The following C2CD5 variants were observed in gnomAD, a reference collection of about 807,000 sequenced individuals.
C2CD5 encodes C2 calcium dependent domain containing 5, also known as C2 domain-containing protein 5.
C2CD5 carries 109 observed loss-of-function variants against 130.3 expected under a neutral mutation model. That is an observed-to-expected ratio of 0.84 (90% CI 0.72 to 0.98). C2CD5 has a LOEUF of 0.98. Ranked by LOEUF, C2CD5 falls within the 50% of genes least tolerant of loss-of-function variation. The pLI, the probability that C2CD5 is intolerant of heterozygous loss-of-function variation, is 0.00. For missense variants in C2CD5, 996 were observed against 1,261.8 expected (o/e 0.79, Z 3.19); for synonymous variants, 454 against 429.2 (o/e 1.06, Z -0.71).
intron 22 of C2CD5, chr12:22,463,829 T>C (rs1376848655): frequency 2.6e-5 from 4 of 152,178 alleles, no homozygotes; most frequent in Non-Finnish European, 5.9e-5. Context: ...AAAAACTTCC[T>C]ACAAATTTGG....
At chr12:22,544,237 AGGCGCGCGGG>A (rs1952719652) in intron 1 of C2CD5, 58 bp from the exon 2 acceptor site, 1 of 1,379,304 alleles carries the variant, frequency 7.3e-7, no homozygotes, top group Admixed American at 1.9e-5. Flanking sequence ...AGAGGGGCGG[AGGCGCGCGGG>A]GTAACTGACA....
intron 4 of C2CD5, 66 bp from the exon 5 acceptor site, chr12:22,525,771 C>T: frequency 1.3e-6 from 1 of 781,358 alleles, no homozygotes; most frequent in Non-Finnish European, 2.2e-6. Flanking sequence ...AATAATGAAG[C>T]AAATTAATGC....
Position 22,524,469 on chromosome 12 carries a change from T to C in C2CD5, c.601+3A>G. The C allele has an allele frequency of 1.9e-6, 3 of 1,612,216 alleles. No homozygotes were observed. Among genetic ancestry groups the C allele is most frequent in the Non-Finnish European group, 2.5e-6 (3 of 1,179,264 alleles). ...CAGTAATAAAGTTATTTTTTTTAAA[T>C]ACCTGACATTAACGAAATGAGTCTC... is the stretch of plus-strand genomic sequence containing the variant. On this transcript the variant is annotated splice_donor_region_variant and intron_variant, in intron 6 of 26. Transcript: ENST00000446597.
At chr12:22,515,995 T>A (rs889261398) in intron 8 of C2CD5, among the ~76,000 whole-genome samples, 1 of 151,614 alleles carries the variant, frequency 6.6e-6, no homozygotes, top group Non-Finnish European at 1.5e-5. Flanking sequence ...AAATATAAAA[T>A]TTTTTAAAAG....
chr12:22,535,016 C>T (rs1025848815), intron 3 of C2CD5: 3 of 301,224 alleles, frequency 1.0e-5, no homozygotes, highest in African/African-American at 6.6e-5. Context: ...CTAGAGAAAA[C>T]TACAATAATA....
At chr12:22,522,256 T>G (rs1232633662) in intron 7 of C2CD5, among the ~76,000 whole-genome samples, 1 of 152,124 alleles carries the variant, frequency 6.6e-6, no homozygotes, top group African/African-American at 2.4e-5. Context: ...CTAAAGGCAT[T>G]TAGGATGAAA....
chr12:22,519,940 A>C (rs1950118000), intron 7 of C2CD5, among the ~76,000 whole-genome samples: 1 of 152,166 alleles, frequency 6.6e-6, no homozygotes, highest in Non-Finnish European at 1.5e-5. Flanking sequence ...TCTCATACAG[A>C]ATATATCATA....
chr12:22,501,883 C>T lies in C2CD5; in HGVS notation c.1147+4828G>A, dbSNP rs543695236. 2.6e-5 allele frequency among the ~76,000 whole-genome samples: 4 copies of T among 152,106 alleles called. 1 individual carries two copies. Among genetic ancestry groups the T allele is most frequent in the East Asian group, 3.9e-4 (2 of 5,192 alleles). ...AGATATTATCTAAAATTCTGAGCCCCGTGGCGTCTTTGCTTTTCTGTAAGA... is the reference window on the plus strand; with the variant it reads ...AGATATTATCTAAAATTCTGAGCCCTGTGGCGTCTTTGCTTTTCTGTAAGA... On this transcript the variant is annotated intron_variant, in intron 10 of 26. Transcript: ENST00000446597.
intron 10 of C2CD5, among the ~76,000 whole-genome samples, chr12:22,504,264 T>A (rs1237870288): frequency 6.6e-6 from 1 of 151,784 alleles, no homozygotes; most frequent in African/African-American, 2.4e-5. Flanking sequence ...TTACTCAGAG[T>A]ACATGGAAGC....
chr12:22,521,561 C>G (rs1256787882), intron 7 of C2CD5, among the ~76,000 whole-genome samples: 1 of 152,064 alleles, frequency 6.6e-6, no homozygotes, highest in East Asian at 1.9e-4. Context: ...AAATTTGCTA[C>G]AGAGAGAGGG....
In C2CD5 at chr12:22,471,484, A is replaced by G; in HGVS notation, c.2273T>C (p.Leu758Pro). ...GATCATAGATCGTAGTTTAAAGTAC[A>G]GGCTCTACACAATAGAAAATATTAG... The part of the protein sequence containing the change: ...NDLCENLLKS[L>P]YFKLRSMIPC... Residue 758 changes from leucine (L) to proline (P), a missense_variant, in exon 20 of 27, where the codon CTG (leucine) becomes CCG (proline). Leu to Pro is a moderately conservative substitution (Grantham distance 98). Transcript: ENST00000446597. 6.3e-7 allele frequency: 1 copy of G among 1,579,320 alleles called. No homozygotes were observed. Among genetic ancestry groups the G allele is most frequent in the Non-Finnish European group, 8.7e-7 (1 of 1,150,770 alleles).
At chr12:22,521,732 A>G (rs1195108160) in intron 7 of C2CD5, among the ~76,000 whole-genome samples, 1 of 152,224 alleles carries the variant, frequency 6.6e-6, no homozygotes, top group Non-Finnish European at 1.5e-5. Flanking sequence ...TGTGTTTCCA[A>G]ATAAAATTAA....
chr12:22,536,273 G>C (rs773821004), intron 2 of C2CD5, among the ~76,000 whole-genome samples: 1 of 152,094 alleles, frequency 6.6e-6, no homozygotes, highest in Non-Finnish European at 1.5e-5. Flanking sequence ...TAAAGGAGAG[G>C]CTGTGAAAGA....
intron 10 of C2CD5, among the ~76,000 whole-genome samples, chr12:22,496,241 CAG>C (rs765787969): frequency 2.0e-5 from 3 of 152,010 alleles, no homozygotes; most frequent in Non-Finnish European, 2.9e-5. Flanking sequence ...AATAAAAATT[CAG>C]AGATATCACA....
intron 2 of C2CD5, among the ~76,000 whole-genome samples, chr12:22,539,740 TC>T (rs1288301005): frequency 6.6e-6 from 1 of 152,028 alleles, no homozygotes; most frequent in Non-Finnish European, 1.5e-5. Context: ...ATGCCTGTAA[TC>T]CCCGCACTTT....
Sources: allele counts gnomAD v4.1 joint callset (sites outside exome capture counted in the v4.1 genomes callset), GRCh38; gene constraint gnomAD v4.1.1; transcripts MANE v1.5; gene names NCBI Gene and HGNC (gene_info 2026-07-23, HGNC 2026-07-21).